PRKDC: variants seen among roughly 807,000 people sequenced by gnomAD.
PRKDC encodes the protein DNA-dependent protein kinase catalytic subunit.
A neutral mutation model predicts 486.9 loss-of-function variants in PRKDC; 82 were observed. The ratio of observed to expected loss-of-function variants is 0.17; its 90% CI spans 0.14 to 0.20. The LOEUF is 0.20. Among genes scored for constraint, PRKDC ranks in the 10% least tolerant of loss-of-function variants. The pLI, the probability that PRKDC is intolerant of heterozygous loss-of-function variation, is 1.00. For missense variants in PRKDC, 4,504 were observed against 5,038.2 expected (o/e 0.89, Z 3.21); for synonymous variants, 1,895 against 1,837.0 (o/e 1.03, Z -0.81).
intron 22 of PRKDC, among the ~76,000 whole-genome samples, chr8:47,917,342 A>T (rs1245101922): frequency 6.6e-6 from 1 of 152,246 alleles, no homozygotes; most frequent in Non-Finnish European, 1.5e-5. Flanking sequence ...CCATAAAATT[A>T]TAAAAACTTT....
rs1003986191 is a variant in PRKDC at position 47,776,957 on chromosome 8, T to C, written c.12069A>G (p.Lys4023=). Residue 4023 remains lysine (K), a synonymous_variant, in exon 85 of 86, where the codon AAA becomes AAG. Transcript: ENST00000314191. ...TTATTTCTTGAATCCATGACCCTCC[T>C]TTTTTCAGCATTTTCTGTTCAAAAT... ...WKNFEQKMLK[K]GGSWIQEINV... The C allele has an allele frequency of 6.2e-7, 1 of 1,610,782 alleles. No homozygotes were observed. The highest frequency in any genetic ancestry group is 8.5e-7 in the Non-Finnish European group (1 of 1,179,206).
At chr8:47,927,608 G>A (rs183280218) in intron 20 of PRKDC, among the ~76,000 whole-genome samples, 163 bp downstream of exon 20, 30 of 152,190 alleles carry the variant, frequency 2.0e-4, no homozygotes, top group Non-Finnish European at 3.8e-4. Flanking sequence ...AGTCACCAAG[G>A]GTCTAAGTCC....
Position 47,836,390 on chromosome 8 carries a change from C to T in PRKDC, c.7899G>A (p.Gly2633=), listed in dbSNP as rs887917513. 5.0e-6 allele frequency: 8 copies of T among 1,610,626 alleles called. No individual in the cohort carries two copies. Among genetic ancestry groups the T allele is most frequent in the East Asian group, 2.2e-5 (1 of 44,814 alleles). ...GSLSARWPVA[G]QIRATQQQHD... ...GCTGCTGCTGGGTGGCCCTTATCTG[C>T]CCTGCCACTGGCCAGCGAGCTGAGA... Residue 2633 remains glycine (G), a synonymous_variant, in exon 58 of 86, where the codon GGG becomes GGA. Coordinates refer to ENST00000314191, the MANE Select transcript of PRKDC (RefSeq NM_006904.7).
intron 73 of PRKDC, among the ~76,000 whole-genome samples, chr8:47,795,554 G>T (rs1163253529): frequency 6.7e-6 from 1 of 148,718 alleles, no homozygotes; most frequent in Non-Finnish European, 1.5e-5. Flanking sequence ...GTGCTGTGGC[G>T]TGATCTCAGC....
chr8:47,856,958 G>A (rs184931687), intron 49 of PRKDC, among the ~76,000 whole-genome samples, 198 bp downstream of exon 49: 14 of 152,348 alleles, frequency 9.2e-5, no homozygotes, highest in Non-Finnish European at 2.1e-4. Flanking sequence ...AAGGTCAGAC[G>A]AATTACCAAA....
intron 72 of PRKDC, 55 bp from the exon 73 acceptor site, chr8:47,798,452 A>G (rs1216010618): frequency 1.4e-6 from 2 of 1,475,336 alleles, no homozygotes; most frequent in Non-Finnish European, 1.8e-6. Context: ...ATATCCATAA[A>G]CTATGATGTT....
intron 76 of PRKDC, among the ~76,000 whole-genome samples, chr8:47,788,010 T>C (rs1267283213): frequency 1.3e-5 from 2 of 152,214 alleles, no homozygotes; most frequent in Non-Finnish European, 2.9e-5. Flanking sequence ...GCCCTATACA[T>C]GGTGGAACTT....
At position 47,890,363 on chromosome 8, in the gene PRKDC, G is replaced by C. The variant is rs747889965; in HGVS notation, c.3965C>G (p.Thr1322Arg). The C allele has an allele frequency of 3.1e-6, 5 of 1,613,272 alleles. No homozygotes were observed. The highest frequency in any genetic ancestry group is 1.7e-5 in the Admixed American group (1 of 59,948). The change falls in exon 32 of 86, where the codon ACA (threonine) becomes AGA (arginine). Residue 1322 changes from threonine to arginine, a missense_variant. Physicochemically the swap from Thr to Arg is moderately conservative, Grantham distance 71 (BLOSUM62 -1). Around this residue, in one of 6 missense-constraint regions of PRKDC, gnomAD observed 1,969 missense variants for 2,068.9 expected, o/e 0.95. Transcript: ENST00000314191. ...GTACCTTTCTCCCTCTTGTGGGCTT[G>C]TTCTGTTACCTGCTGCCCCAGTGCC... ...CFGTGAAGNRTSPQEGERYNY... is the reference protein window; with the variant it reads ...CFGTGAAGNRRSPQEGERYNY...
chr8:47,943,730 A>G (rs1187487530), intron 9 of PRKDC, 123 bp downstream of exon 9: 2 of 885,564 alleles, frequency 2.3e-6, no homozygotes, highest in Non-Finnish European at 3.5e-6. Flanking sequence ...CCTGTAAATA[A>G]CTGTGTGTGA....
At chr8:47,941,614 T>G (rs565394167) in intron 10 of PRKDC, among the ~76,000 whole-genome samples, 3 of 152,210 alleles carry the variant, frequency 2.0e-5, no homozygotes, top group Non-Finnish European at 4.4e-5. Flanking sequence ...GGTACTTTCT[T>G]CATCTCTGCA....
At chr8:47,839,962 G>A in intron 55 of PRKDC, 54 bp downstream of exon 55, 2 of 1,407,508 alleles carry the variant, frequency 1.4e-6, no homozygotes. Context: ...CGTCGACAGA[G>A]CAAGACCTTA....
chr8:47,902,816 C>T, intron 26 of PRKDC, 21 bp from the exon 27 acceptor site: 2 of 1,553,900 alleles, frequency 1.3e-6, no homozygotes. Flanking sequence ...ACAAAGAGAC[C>T]TTGATTGTAC....
chr8:47,855,152 A>G, intron 50 of PRKDC, 70 bp downstream of exon 50: 1 of 1,339,088 alleles, frequency 7.5e-7, no homozygotes, highest in Non-Finnish European at 1.0e-6. Context: ...TTTCACTGTA[A>G]TCATCATTTA....
intron 74 of PRKDC, among the ~76,000 whole-genome samples, chr8:47,790,743 C>A (rs116848774): frequency 1.3e-5 from 2 of 152,108 alleles, no homozygotes; most frequent in African/African-American, 4.8e-5. Flanking sequence ...GAATAGAGAA[C>A]CCAGAAATAA....
rs2088026651 is a variant in PRKDC, at chr8:47,836,486, A to G, written c.7803T>C (p.Val2601=). The G allele has an allele frequency of 1.2e-6, 2 of 1,610,212 alleles. No homozygotes were observed. Among genetic ancestry groups the G allele is most frequent in the East Asian group, 2.2e-5 (1 of 44,816 alleles). The change falls in exon 58 of 86, where the codon GTT becomes GTC. Residue 2601 remains valine (V), a synonymous_variant. Transcript: ENST00000314191. ...GGGTCTCCACAAACATCGGAGTGAG[A>G]ACAGTACTTCGGAAACGCCAATCAG... is the stretch of plus-strand genomic sequence containing the variant. ...IDSDWRFRST[V]LTPMFVETQA...
chr8:47,807,301 C>T lies in PRKDC; in HGVS notation c.9583G>A (p.Glu3195Lys). The change falls in exon 69 of 86, where the codon GAG (glutamate) becomes AAG (lysine). Residue 3195 changes from glutamate (E) to lysine (K), a missense_variant. This residue lies in a region of PRKDC where 1,592 missense variants were observed against 1,724.6 expected (regional missense o/e 0.92). Coordinates refer to ENST00000314191, the MANE Select transcript of PRKDC (RefSeq NM_006904.7). ...NRCFFLSKIE[E>K]KLTPLPEDNS... Reference sequence around the variant, plus strand: ...TCTTCTGGAAGAGGGGTAAGCTTCTCCTCTATTTTGCTGAGAAAGAAACAT... The same window carrying T: ...TCTTCTGGAAGAGGGGTAAGCTTCTTCTCTATTTTGCTGAGAAAGAAACAT... 6.4e-7 allele frequency: 1 copy of T among 1,574,340 alleles called. No homozygotes were observed.
chr8:47,882,135 ATTT>A, intron 36 of PRKDC, 38 bp from the exon 37 acceptor site: 2 of 1,565,540 alleles, frequency 1.3e-6, no homozygotes, highest in Non-Finnish European at 1.7e-6. Flanking sequence ...AAAATTCTTA[ATTT>A]TGAGAATGAC....
chr8:47,898,131 GAAT>G (rs1427400550), intron 29 of PRKDC, among the ~76,000 whole-genome samples: 1 of 152,134 alleles, frequency 6.6e-6, no homozygotes, highest in Non-Finnish European at 1.5e-5. Context: ...AAAATTTACG[GAAT>G]AATGGTTCAT....
At chr8:47,922,331 G>C (rs566750842) in intron 21 of PRKDC, among the ~76,000 whole-genome samples, 2 of 152,158 alleles carry the variant, frequency 1.3e-5, no homozygotes, top group Non-Finnish European at 2.9e-5. Flanking sequence ...AATTAGCCAG[G>C]TGCAGTGGTG....
Sources: allele counts gnomAD v4.1 joint callset (sites outside exome capture counted in the v4.1 genomes callset), GRCh38; gene constraint gnomAD v4.1.1; regional missense constraint gnomAD v4.1.1; transcripts MANE v1.5; gene names NCBI Gene and HGNC (gene_info 2026-07-23, HGNC 2026-07-21).